Variants in FRMD4B observed in about 807,000 individuals in gnomAD.
FRMD4B encodes FERM domain containing 4B, also known as FERM domain-containing protein 4B.
Under a neutral mutation model 141.5 loss-of-function variants are expected in FRMD4B, and 74 were observed. That is an observed-to-expected ratio of 0.52 (90% CI 0.43 to 0.63). FRMD4B has a LOEUF of 0.63. Among genes scored for constraint, FRMD4B ranks in the 30% least tolerant of loss-of-function variants. The pLI, the probability that FRMD4B is intolerant of heterozygous loss-of-function variation, is 0.00. For synonymous variants in FRMD4B, 506 were observed against 467.9 expected, an observed-to-expected ratio of 1.08 and a Z score of -1.05; for missense variants, 1,366 against 1,253.4, an observed-to-expected ratio of 1.09 and a Z score of -1.36.
intron 1 of FRMD4B, among the ~76,000 whole-genome samples, chr3:69,467,763 C>A (rs1191822715): frequency 6.6e-6 from 1 of 152,182 alleles, no homozygotes. Flanking sequence ...ACCACATTCT[C>A]CTGATCATGA....
Position 69,406,079 on chromosome 3 carries a change from A to G in FRMD4B, c.-1+26555T>C, listed in dbSNP as rs1704644195. 2.6e-5 allele frequency among the ~76,000 whole-genome samples: 4 copies of G among 152,264 alleles called. No homozygotes were observed. The South Asian group carries it at 8.3e-4, about 32-fold the overall frequency. ...TATTAATTTTACTGGGGTCCCATGA[A>G]TCTCAAAGCTTAAAACTTTATTAAA... On this transcript the variant is annotated intron_variant, in intron 2 of 5. Coordinates refer to the FRMD4B transcript ENST00000459638.
intron 1 of FRMD4B, among the ~76,000 whole-genome samples, chr3:69,479,479 T>A (rs1435481704): frequency 6.6e-6 from 1 of 152,174 alleles, no homozygotes; most frequent in East Asian, 1.9e-4. Context: ...TTAGTTTGGC[T>A]AGATATGAAA....
At chr3:69,281,747 C>A (rs2093645286) in intron 5 of FRMD4B, among the ~76,000 whole-genome samples, 1 of 151,178 alleles carries the variant, frequency 6.6e-6, no homozygotes, top group Non-Finnish European at 1.5e-5. Flanking sequence ...TCGCTTGAAC[C>A]CAGAAGGCGG....
At chr3:69,185,126 C>T (rs2092750944) in intron 19 of FRMD4B, among the ~76,000 whole-genome samples, 1 of 151,788 alleles carries the variant, frequency 6.6e-6, no homozygotes, top group Non-Finnish European at 1.5e-5. Context: ...ATATGAAACA[C>T]CGTCTCTACT....
At chr3:69,536,387 T>C in intron 1 of FRMD4B, 1 of 711,634 alleles carries the variant, frequency 1.4e-6, no homozygotes. Flanking sequence ...CTGCGGCACA[T>C]GCCAGTGGCC....
intron 1 of FRMD4B, among the ~76,000 whole-genome samples, chr3:69,354,011 T>C (rs1265785460): frequency 6.6e-6 from 1 of 152,234 alleles, no homozygotes; most frequent in Non-Finnish European, 1.5e-5. Context: ...TCTATGCATG[T>C]TCTGGATGAG....
At chr3:69,466,536 G>T (rs1323283477) in intron 1 of FRMD4B, among the ~76,000 whole-genome samples, 1 of 152,102 alleles carries the variant, frequency 6.6e-6, no homozygotes, top group Non-Finnish European at 1.5e-5. Context: ...ATAATAAGGA[G>T]GGGAGAAATA....
intron 19 of FRMD4B, among the ~76,000 whole-genome samples, chr3:69,186,799 A>G (rs750986131): frequency 2.6e-5 from 4 of 152,246 alleles, no homozygotes; most frequent in Non-Finnish European, 5.9e-5. Context: ...TTGGCCTCCC[A>G]AAGTGCTGGG....
intron 1 of FRMD4B, among the ~76,000 whole-genome samples, chr3:69,358,314 C>T (rs1424831135): frequency 6.6e-6 from 1 of 152,198 alleles, no homozygotes; most frequent in East Asian, 1.9e-4. Context: ...GTTTAGTGTT[C>T]TGCTGTCTCA....
At chr3:69,427,641 A>ATTTTTT (rs1285387505) in intron 2 of FRMD4B, among the ~76,000 whole-genome samples, 1 of 74,544 alleles carries the variant, frequency 1.3e-5, no homozygotes, top group African/African-American at 5.3e-5. Context: ...AGCTAGGTAA[A>ATTTTTT]TGTTTTTTTT....
chr3:69,286,317 T>C (rs1457822813), intron 5 of FRMD4B, among the ~76,000 whole-genome samples: 1 of 152,232 alleles, frequency 6.6e-6, no homozygotes. Context: ...AATAATGTCA[T>C]GTGCATCTGT....
intron 1 of FRMD4B, among the ~76,000 whole-genome samples, chr3:69,462,053 A>G (rs1231097207): frequency 6.6e-6 from 1 of 152,194 alleles, no homozygotes; most frequent in Admixed American, 6.5e-5. Context: ...GGGTCTTTCA[A>G]AAAGCAGATG....
At chr3:69,267,106 T>C (rs74565830) in intron 5 of FRMD4B, among the ~76,000 whole-genome samples, 5,245 of 152,224 alleles carry the variant, frequency 0.034, 148 homozygotes, top group East Asian at 0.1. Context: ...TAGAAAGAGA[T>C]AGGACAGGGT....
At chr3:69,281,779 G>T (rs569235572) in intron 5 of FRMD4B, among the ~76,000 whole-genome samples, 1 of 148,802 alleles carries the variant, frequency 6.7e-6, no homozygotes, top group Admixed American at 6.7e-5. Context: ...AGCTGAGATC[G>T]CACCACTGCA....
At chr3:69,243,218 A>G (rs1164360204) in intron 7 of FRMD4B, among the ~76,000 whole-genome samples, 1 of 152,156 alleles carries the variant, frequency 6.6e-6, no homozygotes, top group African/African-American at 2.4e-5. Flanking sequence ...ATTTTAATTA[A>G]CTTTCAGAGA....
chr3:69,242,887 G>A (rs1233885228), intron 7 of FRMD4B, among the ~76,000 whole-genome samples: 1 of 151,390 alleles, frequency 6.6e-6, no homozygotes, highest in African/African-American at 2.4e-5. Flanking sequence ...CCAGTTACTC[G>A]GGAGGCTGAG....
intron 1 of FRMD4B, among the ~76,000 whole-genome samples, chr3:69,495,791 A>G (rs999804479): frequency 6.6e-6 from 1 of 152,218 alleles, no homozygotes; most frequent in Non-Finnish European, 1.5e-5. Flanking sequence ...GATTTCAACT[A>G]TGAAATGGAC....
intron 1 of FRMD4B, among the ~76,000 whole-genome samples, chr3:69,529,715 G>A (rs1700985471): frequency 6.6e-6 from 1 of 152,172 alleles, no homozygotes; most frequent in African/African-American, 2.4e-5. Context: ...GTTAGATAGT[G>A]CTTATTGTGT....
chr3:69,473,252 T>C (rs1352864358), intron 1 of FRMD4B, among the ~76,000 whole-genome samples: 2 of 152,080 alleles, frequency 1.3e-5, no homozygotes, highest in African/African-American at 4.8e-5. Flanking sequence ...ACTTATGTAT[T>C]CTTGGGCTTG....
Sources: gnomAD v4.1 joint callset for allele counts (sites outside exome capture counted in the v4.1 genomes callset) on GRCh38, gnomAD v4.1.1 for gene constraint, MANE v1.5 for transcripts, NCBI Gene and HGNC (gene_info 2026-07-23, HGNC 2026-07-21) for gene names.